The following CACNA2D3 variants were observed in gnomAD, a reference collection of about 807,000 sequenced individuals.
CACNA2D3 encodes calcium voltage-gated channel auxiliary subunit alpha2delta 3.
A neutral mutation model predicts 160.6 loss-of-function variants in CACNA2D3; 60 were observed. The ratio of observed to expected loss-of-function variants is 0.37; its 90% CI spans 0.30 to 0.46. The LOEUF (loss-of-function observed/expected upper bound fraction) is 0.46. CACNA2D3 is among the 20% of genes least tolerant of loss of function. The pLI, the probability that CACNA2D3 is intolerant of heterozygous loss-of-function variation, is 1.00. For synonymous variants in CACNA2D3, 558 were observed against 492.9 expected (o/e 1.13, Z -1.75); for missense variants, 1,205 against 1,365.0 (o/e 0.88, Z 1.85).
intron 4 of CACNA2D3, among the ~76,000 whole-genome samples, chr3:54,438,952 C>G (rs745547094): frequency 1.3e-4 from 20 of 152,174 alleles, no homozygotes; most frequent in Non-Finnish European, 2.5e-4. Context: ...TTTTGTACCT[C>G]CTATAACTCT....
rs1559862011 is a variant in CACNA2D3, at chr3:54,146,601, C to CG, written c.204+23008dup. On this transcript the variant is annotated intron_variant, in intron 2 of 37. Transcript: ENST00000474759. The stretch of plus-strand genomic sequence containing the variant: ...GACACAGGAATGTGGGGAAGGGGGG[C>CG]GTGGCCTAGTGTGTCTCTTTGATGA... Among the ~76,000 whole-genome samples, 2 of 152,000 alleles carry CG rather than the reference C, an allele frequency of 1.3e-5. 1 individual carries two copies. Among genetic ancestry groups the CG allele is most frequent in the South Asian group, 4.1e-4 (2 of 4,824 alleles).
intron 17 of CACNA2D3, among the ~76,000 whole-genome samples, chr3:54,871,200 CACACACACACACACACACA>C (rs1559611309): frequency 2.1e-5 from 2 of 94,102 alleles, no homozygotes; most frequent in African/African-American, 5.1e-5. Flanking sequence ...CACACACACA[CACACACACACACACACACA>C]CACACCCCCC....
At chr3:55,062,591 G>C (rs560668680) in intron 35 of CACNA2D3, among the ~76,000 whole-genome samples, 1 of 152,310 alleles carries the variant, frequency 6.6e-6, no homozygotes, top group South Asian at 2.1e-4. Context: ...GAAGACAGTA[G>C]CTGGCCTACT....
At chr3:54,475,809 T>TTGTGTGTGTGTGTGTGTGTGTG (rs3030044) in intron 4 of CACNA2D3, among the ~76,000 whole-genome samples, 10,622 of 142,660 alleles carry the variant, frequency 0.074, 490 homozygotes, top group South Asian at 0.14. Context: ...TGGTTACCAT[T>TTGTGTGTGTGTGTGTGTGTGTG]TGTGTGTGTG....
At chr3:54,747,887 C>G (rs910423901) in intron 11 of CACNA2D3, among the ~76,000 whole-genome samples, 4 of 152,202 alleles carry the variant, frequency 2.6e-5, no homozygotes, top group Admixed American at 1.3e-4. Flanking sequence ...CCATCACTCT[C>G]CATCACCTTA....
intron 4 of CACNA2D3, among the ~76,000 whole-genome samples, chr3:54,439,052 A>G (rs895126348): frequency 6.6e-6 from 1 of 152,134 alleles, no homozygotes; most frequent in Admixed American, 6.5e-5. Context: ...TCCACCTGCC[A>G]TTTTGAGAAA....
chr3:54,790,513 C>T (rs549698444), intron 13 of CACNA2D3, among the ~76,000 whole-genome samples: 7 of 152,308 alleles, frequency 4.6e-5, no homozygotes, highest in Non-Finnish European at 8.8e-5. Context: ...CATGTGTCAT[C>T]TAAAGGTATT....
intron 10 of CACNA2D3, among the ~76,000 whole-genome samples, chr3:54,631,558 G>A (rs538720656): frequency 2.0e-5 from 3 of 152,264 alleles, no homozygotes; most frequent in East Asian, 1.9e-4. Flanking sequence ...ACACACACAC[G>A]TGCTTAAAAT....
intron 13 of CACNA2D3, among the ~76,000 whole-genome samples, chr3:54,800,418 A>G (rs80284952): frequency 1.3e-5 from 2 of 152,232 alleles, no homozygotes; most frequent in Admixed American, 1.3e-4. Flanking sequence ...CCAAAACTCC[A>G]ATTCAGATCA....
chr3:54,129,036 A>G (rs977934349), intron 2 of CACNA2D3, among the ~76,000 whole-genome samples: 3 of 152,246 alleles, frequency 2.0e-5, no homozygotes, highest in African/African-American at 7.2e-5. Context: ...TCCATTAAAC[A>G]AAATTTTGCT....
In CACNA2D3 at chr3:54,179,098, G is replaced by C. The variant is rs115247500; in HGVS notation, c.204+55504G>C. On this transcript the variant is annotated intron_variant, in intron 2 of 37. Transcript: ENST00000474759. ...GCTTGAAGCCCTACCTTGAGAGGCT[G>C]TACATAGCTCATCCTGAGAAGGTCC... Among the ~76,000 whole-genome samples, 834 of 152,304 alleles carry C rather than the reference G, an allele frequency of 5.5e-3. 9 individuals are homozygous for C. Among genetic ancestry groups the C allele is most frequent in the Non-Finnish European group, 9.4e-3 (637 of 68,020 alleles).
At chr3:54,625,960 C>T (rs116068882) in intron 9 of CACNA2D3, among the ~76,000 whole-genome samples, 2,952 of 152,084 alleles carry the variant, frequency 0.019, 94 homozygotes, top group African/African-American at 0.067. Flanking sequence ...ATGCCTGGGG[C>T]GTTGTTGGGT....
chr3:55,061,401 C>A (rs921123673), intron 35 of CACNA2D3, among the ~76,000 whole-genome samples: 1 of 152,208 alleles, frequency 6.6e-6, no homozygotes, highest in Non-Finnish European at 1.5e-5. Flanking sequence ...TAGGGCTCAG[C>A]TCCCTAAAGC....
At chr3:54,546,799 G>A (rs909176016) in intron 5 of CACNA2D3, among the ~76,000 whole-genome samples, 3 of 152,010 alleles carry the variant, frequency 2.0e-5, no homozygotes, top group Non-Finnish European at 4.4e-5. Context: ...ATTCATCTTG[G>A]TTTGCTCAGA....
At position 54,320,559 on chromosome 3, in the gene CACNA2D3, G is replaced by T; in HGVS notation, c.321+1G>T. The T allele has an allele frequency of 1.3e-6, 2 of 1,531,974 alleles. No homozygotes were observed. The highest frequency in any genetic ancestry group is 1.8e-6 in the Non-Finnish European group (2 of 1,130,488). 94.9% of individuals were successfully genotyped at this position (1,531,974 alleles called of 1,614,324 possible). Reference sequence around the variant, plus strand: ...TCACAAGAAGTCTGAGGCCGTCAGGGTAAGTGCCTATGTTTTGTGCCCTGT... The same window carrying T: ...TCACAAGAAGTCTGAGGCCGTCAGGTTAAGTGCCTATGTTTTGTGCCCTGT... On this transcript the variant is annotated splice_donor_variant, in intron 3 of 37. Transcript: ENST00000474759. LOFTEE classifies it high-confidence loss of function.
chr3:54,462,654 T>G (rs151238115), intron 4 of CACNA2D3, among the ~76,000 whole-genome samples: 8,551 of 152,242 alleles, frequency 0.056, 840 homozygotes, highest in African/African-American at 0.2. Flanking sequence ...CCTTTTATTT[T>G]GAACCCATGT....
intron 13 of CACNA2D3, among the ~76,000 whole-genome samples, chr3:54,795,561 A>G (rs1175114879): frequency 6.6e-6 from 1 of 152,192 alleles, no homozygotes; most frequent in Non-Finnish European, 1.5e-5. Context: ...ACTTACCTAT[A>G]TATCACCTTG....
intron 2 of CACNA2D3, among the ~76,000 whole-genome samples, chr3:54,200,594 G>A (rs899107757): frequency 1.3e-5 from 2 of 152,176 alleles, no homozygotes; most frequent in South Asian, 4.1e-4. Context: ...AGCTTTAGTG[G>A]TGGATATCCA....
chr3:54,346,096 C>T (rs559674950), intron 3 of CACNA2D3, among the ~76,000 whole-genome samples: 1 of 152,214 alleles, frequency 6.6e-6, no homozygotes, highest in South Asian at 2.1e-4. Context: ...TATCCTGGCT[C>T]AAGATGTTTG....
Sources: allele counts gnomAD v4.1 joint callset (sites outside exome capture counted in the v4.1 genomes callset), GRCh38; gene constraint gnomAD v4.1.1; transcripts MANE v1.5; gene names NCBI Gene and HGNC (gene_info 2026-07-23, HGNC 2026-07-21).